Variants in BRAF observed in about 807,000 individuals in gnomAD.
BRAF encodes the protein serine/threonine-protein kinase B-raf.
Under a neutral mutation model 104.6 loss-of-function variants are expected in BRAF, and 16 were observed. The ratio of observed to expected loss-of-function variants is 0.15; its 90% confidence interval spans 0.10 to 0.23. The LOEUF (loss-of-function observed/expected upper bound fraction) is 0.23. BRAF is among the 10% of genes least tolerant of loss of function. The pLI, the probability that BRAF is intolerant of heterozygous loss-of-function variation, is 1.00. For missense variants in BRAF, 541 were observed against 937.3 expected (o/e 0.58, Z 5.52); for synonymous variants, 310 against 341.6 (o/e 0.91, Z 1.02).
rs1395830540 is a variant in BRAF, at chr7:140,868,266, G to A, written c.139-18054C>T. ...GAAACAGTAGTCCACAGCAGGAGGA[G>A]ACACAAAAACTTGTGAATATTCATA... On this transcript the variant is annotated intron_variant, in intron 1 of 19. Transcript: ENST00000644969. 3.3e-5 allele frequency among the ~76,000 whole-genome samples: 5 copies of A among 152,244 alleles called. No individual in the cohort carries two copies. The South Asian group carries it at 1.0e-3, about 32-fold the overall frequency.
In BRAF at chr7:140,816,385, T is replaced by C. The variant is rs142822812; in HGVS notation, c.505-7390A>G. Among the ~76,000 whole-genome samples, 499 of 152,348 alleles carry C rather than the reference T, an allele frequency of 3.3e-3. 3 individuals are homozygous for C. Among genetic ancestry groups the C allele is most frequent in the African/African-American group, 0.011 (477 of 41,590 alleles). ...TAGCATTTACTCTAGTGATGTCCCT[T>C]TACTTTCGACCTATTCCATTGAAAC... On this transcript the variant is annotated intron_variant, in intron 3 of 19. Transcript: ENST00000644969.
chr7:140,776,148 A>G (rs922567982), intron 14 of BRAF, among the ~76,000 whole-genome samples: 5 of 152,194 alleles, frequency 3.3e-5, no homozygotes, highest in Middle Eastern at 3.2e-3. Context: ...CCTTCATAAC[A>G]TTATAAAGAT....
At chr7:140,727,942 TAGC>T (rs1379025100) in intron 19 of BRAF, among the ~76,000 whole-genome samples, 1 of 152,182 alleles carries the variant, frequency 6.6e-6, no homozygotes, top group East Asian at 1.9e-4. Flanking sequence ...TATTTTTCAA[TAGC>T]AGCTTCTGAT....
At chr7:140,919,218 C>T (rs943748601) in intron 1 of BRAF, among the ~76,000 whole-genome samples, 2 of 151,858 alleles carry the variant, frequency 1.3e-5, no homozygotes, top group Admixed American at 1.3e-4. Flanking sequence ...AGAGCTCTGG[C>T]GTACTTTGAA....
chr7:140,922,487 ACT>A (rs1818333423), intron 1 of BRAF, among the ~76,000 whole-genome samples: 1 of 152,310 alleles, frequency 6.6e-6, no homozygotes, highest in African/African-American at 2.4e-5. Flanking sequence ...GGTTCTAATA[ACT>A]CTGCAGCAAA....
intron 1 of BRAF, among the ~76,000 whole-genome samples, chr7:140,866,827 A>G (rs1304102870): frequency 1.3e-5 from 2 of 152,140 alleles, no homozygotes; most frequent in Non-Finnish European, 2.9e-5. Context: ...TATGCTCACT[A>G]GTTTTATGTA....
At chr7:140,811,800 A>G (rs2129049842) in intron 3 of BRAF, among the ~76,000 whole-genome samples, 1 of 152,352 alleles carries the variant, frequency 6.6e-6, no homozygotes, top group East Asian at 1.9e-4. Context: ...GCTCATTTAA[A>G]TAATAATAAT....
chr7:140,720,466 A>T lies in BRAF; in HGVS notation c.*6028T>A. ...ACGTTGGTCATTAACATGAATAAAA[A>T]GGCATTATATGTTGATATAGCTGGT... On this transcript the variant is annotated 3_prime_UTR_variant, in exon 20 of 20. Transcript: ENST00000644969. 1 of 1,063,944 alleles carries T rather than the reference A, an allele frequency of 9.4e-7. No homozygotes were observed. Among genetic ancestry groups the T allele is most frequent in the Non-Finnish European group, 1.1e-6 (1 of 878,454 alleles). 65.9% of individuals were successfully genotyped at this position (1,063,944 alleles called of 1,614,324 possible). A position where few individuals can be genotyped will look rare whatever the true frequency, so the allele number is the denominator to read the frequency against.
chr7:140,837,747 T>A (rs1316612504), intron 2 of BRAF, among the ~76,000 whole-genome samples: 1 of 152,226 alleles, frequency 6.6e-6, no homozygotes, highest in Non-Finnish European at 1.5e-5. Context: ...TATTCCAATC[T>A]TCCTAATTCT....
chr7:140,914,855 T>C (rs10240403), intron 1 of BRAF, among the ~76,000 whole-genome samples: 45,206 of 150,636 alleles, frequency 0.3, 10,834 homozygotes, highest in African/African-American at 0.67. Context: ...CTAGCTAACA[T>C]GGTGAAATCC....
intron 1 of BRAF, among the ~76,000 whole-genome samples, chr7:140,875,588 G>C (rs1203348510): frequency 6.6e-6 from 1 of 152,206 alleles, no homozygotes; most frequent in East Asian, 1.9e-4. Context: ...ATGTTGGCCA[G>C]GCTGGTCTCG....
chr7:140,732,249 T>C (rs560745722), intron 19 of BRAF: 2 of 105,422 alleles, frequency 1.9e-5, no homozygotes, highest in South Asian at 3.2e-4. Context: ...AAAAGAGGGC[T>C]CAGGTTTTAG....
chr7:140,734,807 G>C (rs760743162), intron 18 of BRAF, 37 bp from the exon 18 acceptor site: 4 of 870,212 alleles, frequency 4.6e-6, no homozygotes, highest in East Asian at 3.8e-5. Flanking sequence ...GAAAAAAAAA[G>C]AAAAAAGAAA....
intron 18 of BRAF, among the ~76,000 whole-genome samples, chr7:140,736,195 C>T (rs1260466199): frequency 1.3e-5 from 2 of 151,104 alleles, no homozygotes; most frequent in Non-Finnish European, 3.0e-5. Context: ...CTCAGCCTCC[C>T]GAGTAGCTGG....
intron 3 of BRAF, among the ~76,000 whole-genome samples, chr7:140,818,647 TAAAA>T (rs1055653278): frequency 1.3e-5 from 2 of 152,166 alleles, no homozygotes; most frequent in African/African-American, 4.8e-5. Flanking sequence ...AATAAAAAGT[TAAAA>T]AACCTTATGA....
rs1795495865 is a variant in BRAF at position 140,724,551 on chromosome 7, G to A, written c.*1943C>T. On this transcript the variant is annotated 3_prime_UTR_variant, in exon 20 of 20. Coordinates refer to ENST00000644969, the MANE Select transcript of BRAF (RefSeq NM_001374258.1). ...CTTTTCAAACTGATTAATAACTTAA[G>A]GATCTTTTCCATTTTACTAGGACAA... 9.6e-7 allele frequency: 1 copy of A among 1,042,596 alleles called. No homozygotes were observed. The highest frequency in any genetic ancestry group is 1.7e-5 in the African/African-American group (1 of 59,784). The allele number at this position is 1,042,596 out of a possible 1,614,324, so 64.6% of individuals were successfully genotyped here. A position where few individuals can be genotyped will look rare whatever the true frequency, so the allele number is the denominator to read the frequency against.
intron 2 of BRAF, among the ~76,000 whole-genome samples, chr7:140,847,310 C>T (rs767975998): frequency 1.6e-4 from 24 of 152,070 alleles, no homozygotes; most frequent in Admixed American, 9.2e-4. Context: ...CGGCCAGGCA[C>T]GGTGGCTCAC....
chr7:140,734,484 T>C lies in BRAF; in HGVS notation c.2401+133A>G. 4 of 1,596,606 alleles carry C rather than the reference T, an allele frequency of 2.5e-6. No homozygotes were observed. The Admixed American group carries it at 5.0e-5, about 20-fold the overall frequency. ...AGTCTTTAACCACACAAGTGTTCTT[T>C]GGTTCACCTTAAAAAAAAAGAGAGT... On this transcript the variant is annotated intron_variant, in intron 19 of 19. Coordinates refer to ENST00000644969, the MANE Select transcript of BRAF (RefSeq NM_001374258.1).
At chr7:140,834,976 T>C (rs532696217) in intron 2 of BRAF, 104 bp from the exon 3 acceptor site, 25 of 1,348,270 alleles carry the variant, frequency 1.9e-5, no homozygotes, top group Admixed American at 3.5e-5. Flanking sequence ...CACCAGTTGA[T>C]AGGGTTTTAA....
Sources: allele counts gnomAD v4.1 joint callset (sites outside exome capture counted in the v4.1 genomes callset), GRCh38; gene constraint gnomAD v4.1.1; transcripts MANE v1.5; gene names NCBI Gene and HGNC (gene_info 2026-07-23, HGNC 2026-07-21).